The following RNF139 variants were observed in gnomAD, a reference collection of about 807,000 sequenced individuals.
RNF139 encodes the protein ring finger protein 139, also known as E3 ubiquitin-protein ligase RNF139.
RNF139 carries 15 observed loss-of-function variants against 49.5 expected under a neutral mutation model. The ratio of observed to expected loss-of-function variants is 0.30; its 90% CI spans 0.20 to 0.47. The LOEUF (loss-of-function observed/expected upper bound fraction) is 0.47. Ranked by LOEUF, RNF139 falls within the 20% of genes least tolerant of loss-of-function variation. RNF139 has a pLI of 1.00. For missense variants in RNF139, 619 were observed against 806.3 expected, an observed-to-expected ratio of 0.77 and a Z score of 2.81; for synonymous variants, 325 against 300.9, an observed-to-expected ratio of 1.08 and a Z score of -0.83.
rs776638160 is a variant in RNF139 at position 124,486,399 on chromosome 8, TAC to T, written c.752_753del (p.Thr251SerfsTer11). 1 of 1,614,178 alleles carries T rather than the reference TAC, an allele frequency of 6.2e-7. No homozygotes were observed. Among genetic ancestry groups the T allele is most frequent in the Non-Finnish European group, 8.5e-7 (1 of 1,180,008 alleles). ...GGCTAACAAGAGTTACAGCTCAGGC[TAC>T]AGTGTTAATGTACATCTTAAGGATG... is the stretch of plus-strand genomic sequence containing the variant. The part of the protein sequence containing the change: ...FWLTRVTAQA[T>X]VLMYILRMAN... On this transcript the variant is annotated frameshift_variant, in exon 2 of 2. Transcript: ENST00000303545. LOFTEE classifies it high-confidence loss of function.
At chr8:124,482,986 ATAT>A (rs1816452092) in intron 1 of RNF139, among the ~76,000 whole-genome samples, 1 of 104,100 alleles carries the variant, frequency 9.6e-6, no homozygotes, top group Admixed American at 1.4e-4. Context: ...AAATATATAT[ATAT>A]TTAAAAATAT....
rs528465444 is a variant in RNF139, at chr8:124,487,856, A to G, written c.*212A>G. ...TTTGGTGACCTGTTTAAATTTGTGTACATTATTGTACATAGAATAAAATGT... is the reference window on the plus strand; with the variant it reads ...TTTGGTGACCTGTTTAAATTTGTGTGCATTATTGTACATAGAATAAAATGT... On this transcript the variant is annotated 3_prime_UTR_variant, in exon 2 of 2. Coordinates refer to ENST00000303545, the MANE Select transcript of RNF139 (RefSeq NM_007218.4). 2.1e-6 allele frequency: 1 copy of G among 480,076 alleles called. No homozygotes were observed. The highest frequency in any genetic ancestry group is 3.6e-6 in the Non-Finnish European group (1 of 274,082). The allele number at this position is 480,076 out of a possible 1,614,324, so 29.7% of individuals were successfully genotyped here. A position where few individuals can be genotyped will look rare whatever the true frequency, so the allele number is the denominator to read the frequency against.
rs756136298 is a variant in RNF139 at position 124,475,064 on chromosome 8, C to A, written c.-46C>A. ...CCGGCCGCGGCCCCGGGCCCTGCCC[C>A]GCGCGGCCCTGCCCGGCCCACCGAG... On this transcript the variant is annotated 5_prime_UTR_variant, in exon 1 of 2. Transcript: ENST00000303545. 1 of 1,346,214 alleles carries A rather than the reference C, an allele frequency of 7.4e-7. No individual in the cohort carries two copies. The highest frequency in any genetic ancestry group is 1.8e-5 in the South Asian group (1 of 56,766). 83.4% of individuals were successfully genotyped at this position (1,346,214 alleles called of 1,614,324 possible).
chr8:124,485,151 G>A (rs539097057), intron 1 of RNF139, among the ~76,000 whole-genome samples: 143 of 152,274 alleles, frequency 9.4e-4, no homozygotes, highest in African/African-American at 3.2e-3. Flanking sequence ...ATCACTTGAC[G>A]TCAGGAGTTA....
At chr8:124,479,915 T>C (rs1816378347) in intron 1 of RNF139, among the ~76,000 whole-genome samples, 1 of 152,162 alleles carries the variant, frequency 6.6e-6, no homozygotes, top group Non-Finnish European at 1.5e-5. Context: ...TGTCAATATA[T>C]AGACAGTCAC....
At chr8:124,476,958 GT>G (rs1389472288) in intron 1 of RNF139, among the ~76,000 whole-genome samples, 1 of 152,188 alleles carries the variant, frequency 6.6e-6, no homozygotes, top group Admixed American at 6.5e-5. Flanking sequence ...AATCTTGGAA[GT>G]TTGTGTTTGA....
In RNF139 at chr8:124,475,089, G is replaced by A. The variant is rs564831571; in HGVS notation, c.-21G>A. On this transcript the variant is annotated 5_prime_UTR_variant, in exon 1 of 2. Transcript: ENST00000303545. ...CGCGCGGCCCTGCCCGGCCCACCGA[G>A]CCCTGGTGTGGCAGCGGCTCATGGC... 1 of 1,536,572 alleles carries A rather than the reference G, an allele frequency of 6.5e-7. No homozygotes were observed. The highest frequency in any genetic ancestry group is 8.7e-7 in the Non-Finnish European group (1 of 1,145,358).
chr8:124,478,875 A>G (rs1816356275), intron 1 of RNF139, among the ~76,000 whole-genome samples: 1 of 148,430 alleles, frequency 6.7e-6, no homozygotes, highest in African/African-American at 2.5e-5. Flanking sequence ...GGCAAGCGCC[A>G]CCACCCCCGG....
chr8:124,479,939 A>AGTG (rs759389789), intron 1 of RNF139, among the ~76,000 whole-genome samples: 14 of 152,114 alleles, frequency 9.2e-5, no homozygotes, highest in Admixed American at 5.2e-4. Context: ...TAGGTTGAGC[A>AGTG]GTGTAGTGAG....
chr8:124,479,938 C>G (rs1816378940), intron 1 of RNF139, among the ~76,000 whole-genome samples: 1 of 151,800 alleles, frequency 6.6e-6, no homozygotes, highest in South Asian at 2.1e-4. Flanking sequence ...CTAGGTTGAG[C>G]AGTGTAGTGA....
chr8:124,487,598 A>C lies in RNF139; in HGVS notation c.1949A>C (p.Gln650Pro). Residue 650 changes from glutamine to proline, a missense_variant, in exon 2 of 2, where the codon CAG becomes CCG. Physicochemically the swap from Gln to Pro is moderately conservative, Grantham distance 76 (BLOSUM62 -1). This residue lies in a region of RNF139 where 530 missense variants were observed against 728.9 expected (regional missense o/e 0.73). Coordinates refer to ENST00000303545, the MANE Select transcript of RNF139 (RefSeq NM_007218.4). ...CAAAGAGAAAGAAATGGAGTGATTCAGCACACAGGCGCAGCAGCTGAAGAA... is the reference window on the plus strand; with the variant it reads ...CAAAGAGAAAGAAATGGAGTGATTCCGCACACAGGCGCAGCAGCTGAAGAA... ...DVQRERNGVIQHTGAAAEEFN... is the reference protein window; with the variant it reads ...DVQRERNGVIPHTGAAAEEFN... The C allele has an allele frequency of 6.2e-7, 1 of 1,612,080 alleles. No individual in the cohort carries two copies. Among genetic ancestry groups the C allele is most frequent in the Non-Finnish European group, 8.5e-7 (1 of 1,178,700 alleles).
At chr8:124,483,110 A>T (rs1302647268) in intron 1 of RNF139, among the ~76,000 whole-genome samples, 1 of 69,082 alleles carries the variant, frequency 1.4e-5, no homozygotes, top group Non-Finnish European at 2.5e-5. Context: ...TATATATATT[A>T]AAAATATATA....
chr8:124,486,447 C>A lies in RNF139; in HGVS notation c.798C>A (p.Phe266Leu). 6.2e-7 allele frequency: 1 copy of A among 1,614,064 alleles called. No individual in the cohort carries two copies. The highest frequency in any genetic ancestry group is 8.5e-7 in the Non-Finnish European group (1 of 1,180,006). The change falls in exon 2 of 2, where the codon TTC (phenylalanine) becomes TTA (leucine). Residue 266 changes from phenylalanine to leucine, a missense_variant. Around this residue, in one of 2 missense-constraint regions of RNF139, gnomAD observed 530 missense variants for 728.9 expected, o/e 0.73. Coordinates refer to ENST00000303545, the MANE Select transcript of RNF139 (RefSeq NM_007218.4). ...ILRMANETDS[F>L]FISWDDFWDL... ...GGATGGCAAATGAAACTGATTCCTTCTTTATTTCTTGGGATGATTTTTGGG... is the reference window on the plus strand; with the variant it reads ...GGATGGCAAATGAAACTGATTCCTTATTTATTTCTTGGGATGATTTTTGGG...
chr8:124,478,443 C>G (rs1586521025), intron 1 of RNF139, among the ~76,000 whole-genome samples: 1 of 151,732 alleles, frequency 6.6e-6, no homozygotes, highest in African/African-American at 2.4e-5. Context: ...TGGCACAACC[C>G]GTGTCTACCA....
At chr8:124,476,128 A>G (rs1301498948) in intron 1 of RNF139, among the ~76,000 whole-genome samples, 1 of 152,214 alleles carries the variant, frequency 6.6e-6, no homozygotes, top group Non-Finnish European at 1.5e-5. Context: ...GGTCTTAAGT[A>G]GGCTAGTGCT....
At chr8:124,484,610 T>C (rs1395681390) in intron 1 of RNF139, among the ~76,000 whole-genome samples, 2 of 152,158 alleles carry the variant, frequency 1.3e-5, no homozygotes, top group African/African-American at 2.4e-5. Flanking sequence ...CTTTGGAGAT[T>C]TGCAGTTGTA....
In RNF139 at chr8:124,488,258, A is replaced by G. The variant is rs1482152850; in HGVS notation, c.*614A>G. Reference sequence around the variant, plus strand: ...TAAACTGTATCAACTAAACTTTGATATAAACCAGAATGTGCTAAATGTTTT... The same window carrying G: ...TAAACTGTATCAACTAAACTTTGATGTAAACCAGAATGTGCTAAATGTTTT... On this transcript the variant is annotated 3_prime_UTR_variant, in exon 2 of 2. Transcript: ENST00000303545. Among the ~76,000 whole-genome samples the G allele has an allele frequency of 6.6e-6, 1 of 152,256 alleles. No homozygotes were observed. The highest frequency in any genetic ancestry group is 2.4e-5 in the African/African-American group (1 of 41,468).
At chr8:124,483,058 A>T (rs1254617804) in intron 1 of RNF139, among the ~76,000 whole-genome samples, 5 of 27,810 alleles carry the variant, frequency 1.8e-4, no homozygotes, top group Non-Finnish European at 3.8e-4. Flanking sequence ...TATATCTATT[A>T]AAAATATATA....
chr8:124,484,846 A>C (rs1293780722), intron 1 of RNF139, among the ~76,000 whole-genome samples: 1 of 152,086 alleles, frequency 6.6e-6, no homozygotes, highest in Non-Finnish European at 1.5e-5. Context: ...TGACTATTTT[A>C]AGAAACAGAT....
Sources: allele counts gnomAD v4.1 joint callset (sites outside exome capture counted in the v4.1 genomes callset), GRCh38; gene constraint gnomAD v4.1.1; regional missense constraint gnomAD v4.1.1; transcripts MANE v1.5; gene names NCBI Gene and HGNC (gene_info 2026-07-23, HGNC 2026-07-21).